The following TRPM1 variants were observed in gnomAD, a reference collection of about 807,000 sequenced individuals.
TRPM1 encodes the protein TRPM1-203 APA Isoform, Intron 10.
In TRPM1, 113 loss-of-function variants were observed where a neutral mutation model predicts 149.4. The observed-to-expected ratio is 0.76, with a 90% CI of 0.65 to 0.88. TRPM1 has a LOEUF of 0.88. Among genes scored for constraint, TRPM1 ranks in the 40% least tolerant of loss-of-function variants. TRPM1 has a pLI of 0.00. For missense variants in TRPM1, 1,976 were observed against 2,038.7 expected (o/e 0.97, Z 0.59); for synonymous variants, 741 against 759.5 (o/e 0.98, Z 0.40).
intron 1 of TRPM1, among the ~76,000 whole-genome samples, chr15:31,096,116 A>G (rs1439560618): frequency 6.6e-6 from 1 of 151,474 alleles, no homozygotes; most frequent in Admixed American, 6.6e-5. Flanking sequence ...AAGAAAAAGA[A>G]GAAACGAAGG....
intron 1 of TRPM1, 24 bp from the exon 2 acceptor site, chr15:31,081,462 A>G: frequency 6.8e-7 from 1 of 1,466,150 alleles, no homozygotes; most frequent in Non-Finnish European, 9.2e-7. Context: ...CAAGAGGAGT[A>G]AGAGTCACTT....
chr15:31,067,627 A>T (rs144685145), intron 5 of TRPM1, among the ~76,000 whole-genome samples: 1 of 152,346 alleles, frequency 6.6e-6, no homozygotes, highest in East Asian at 1.9e-4. Flanking sequence ...GCTCAGTTCA[A>T]GGAATATTGC....
intron 1 of TRPM1, among the ~76,000 whole-genome samples, chr15:31,125,469 G>A (rs1435627945): frequency 2.0e-5 from 3 of 151,908 alleles, no homozygotes; most frequent in African/African-American, 4.8e-5. Flanking sequence ...AGTGGCTTAC[G>A]CCTGTAATCC....
At chr15:31,069,346 G>T in intron 4 of TRPM1, 1 of 877,208 alleles carries the variant, frequency 1.1e-6, no homozygotes, top group Non-Finnish European at 1.4e-6. Context: ...TTGTGTCTGG[G>T]CTAATATGTA....
intron 1 of TRPM1, among the ~76,000 whole-genome samples, chr15:31,152,126 C>G (rs985860419): frequency 6.6e-6 from 1 of 152,178 alleles, no homozygotes; most frequent in Non-Finnish European, 1.5e-5. Context: ...CTATAGCACA[C>G]CCTACCCCAA....
intron 1 of TRPM1, among the ~76,000 whole-genome samples, chr15:31,112,091 T>C (rs4779824): frequency 0.6 from 91,176 of 152,086 alleles, 27,540 homozygotes; most frequent in East Asian, 0.74. Flanking sequence ...AGTGTGAGCA[T>C]ACAGAGCTTG....
intron 10 of TRPM1, 119 bp downstream of exon 10, chr15:31,061,323 T>A: frequency 1.0e-6 from 1 of 960,410 alleles, no homozygotes; most frequent in Non-Finnish European, 1.7e-6. Context: ...ACTGCTCAAG[T>A]GGCCTGGCTG....
At chr15:31,058,104 G>A (rs1351155804) in intron 11 of TRPM1, among the ~76,000 whole-genome samples, 1 of 151,910 alleles carries the variant, frequency 6.6e-6, no homozygotes, top group Non-Finnish European at 1.5e-5. Context: ...CTCAACATTA[G>A]CAGTGGCAAG....
At chr15:31,007,652 GCAACAACAACAACAACAA>G (rs55739225) in intron 27 of TRPM1, among the ~76,000 whole-genome samples, 112 of 139,910 alleles carry the variant, frequency 8.0e-4, no homozygotes, top group African/African-American at 2.8e-3. Flanking sequence ...CAGCAGCGCA[GCAACAACAACAACAACAA>G]CAACAACAAC....
At chr15:31,103,468 T>C (rs1326755905), upstream of TRPM1, among the ~76,000 whole-genome samples, 1 of 152,216 alleles carries the variant, frequency 6.6e-6, no homozygotes, top group Non-Finnish European at 1.5e-5. Context: ...TTGGGTTGAA[T>C]AGAATGTTAT....
At chr15:31,068,506 C>T (rs1210981522) in intron 4 of TRPM1, among the ~76,000 whole-genome samples, 1 of 151,942 alleles carries the variant, frequency 6.6e-6, no homozygotes, top group Non-Finnish European at 1.5e-5. Flanking sequence ...CTTTGGGAAG[C>T]CGAGGCAGGT....
In TRPM1 at chr15:31,028,321, G is replaced by A. The variant is rs2032882989; in HGVS notation, c.3293+11C>T. The A allele has an allele frequency of 6.2e-7, 1 of 1,614,120 alleles. No individual in the cohort carries two copies. The highest frequency in any genetic ancestry group is 8.5e-7 in the Non-Finnish European group (1 of 1,180,006). On this transcript the variant is annotated intron_variant, in intron 25 of 27. Coordinates refer to ENST00000256552, the MANE Select transcript of TRPM1 (RefSeq NM_001252024.2). Reference sequence around the variant, plus strand: ...AATAATAAGCATGTGGTCATCGGCTGTGACACGTACTTGAACACAGCAATC... The same window carrying A: ...AATAATAAGCATGTGGTCATCGGCTATGACACGTACTTGAACACAGCAATC...
chr15:31,125,202 A>C (rs28881799), intron 1 of TRPM1, among the ~76,000 whole-genome samples: 1 of 149,966 alleles, frequency 6.7e-6, no homozygotes, highest in Non-Finnish European at 1.5e-5. Flanking sequence ...AACAAAAAAC[A>C]AAAAAACTCA....
At chr15:31,069,684 A>G (rs1419940936) in intron 4 of TRPM1, 1 of 1,416,630 alleles carries the variant, frequency 7.1e-7, no homozygotes, top group Non-Finnish European at 9.2e-7. Flanking sequence ...CAACACATCT[A>G]AGGGGGCTGC....
At chr15:31,033,067 A>G in intron 21 of TRPM1, 127 bp from the exon 22 acceptor site, 2 of 1,293,184 alleles carry the variant, frequency 1.5e-6, no homozygotes, top group Non-Finnish European at 2.2e-6. Flanking sequence ...CAAAACGTTT[A>G]AACACTCTTC....
chr15:31,089,084 T>TA (rs1045403944), intron 1 of TRPM1, among the ~76,000 whole-genome samples: 1 of 152,208 alleles, frequency 6.6e-6, no homozygotes, highest in Non-Finnish European at 1.5e-5. Context: ...GCCATATTTT[T>TA]AAAAAACAAA....
At chr15:31,093,995 C>T (rs550822670) in intron 1 of TRPM1, among the ~76,000 whole-genome samples, 2 of 152,270 alleles carry the variant, frequency 1.3e-5, no homozygotes, top group Admixed American at 1.3e-4. Flanking sequence ...AAGTATGGTA[C>T]TAGCATAAGG....
rs1179985613 is a variant in TRPM1, at chr15:31,049,479, C to A, written c.1468G>T (p.Ala490Ser). ...AAGTCGACACGATCTAAGACTAAAG[C>A]ATCTAGCATCGCTTGCTCCAAAGCA... Reference protein sequence around the residue: ...VNALEQAMLDALVLDRVDFVK... With the variant: ...VNALEQAMLDSLVLDRVDFVK... The change falls in exon 13 of 28, where the codon GCT becomes TCT. Residue 490 changes from alanine (A) to serine (S), a missense_variant. Ala to Ser is a moderately conservative substitution (Grantham distance 99). Transcript: ENST00000256552. 6.2e-7 allele frequency: 1 copy of A among 1,614,120 alleles called. No homozygotes were observed.
intron 7 of TRPM1, 54 bp from the exon 8 acceptor site, chr15:31,063,346 A>C: frequency 6.2e-7 from 1 of 1,611,978 alleles, no homozygotes; most frequent in South Asian, 1.1e-5. Context: ...CTGTCCACCC[A>C]GTCGTTTTAA....
Sources: gnomAD v4.1 joint callset for allele counts (sites outside exome capture counted in the v4.1 genomes callset) on GRCh38, gnomAD v4.1.1 for gene constraint, MANE v1.5 for transcripts, NCBI Gene and HGNC (gene_info 2026-07-23, HGNC 2026-07-21) for gene names.